Variants in AFAP1L1 observed in about 807,000 individuals in gnomAD.
AFAP1L1 encodes actin filament associated protein 1 like 1.
AFAP1L1 carries 77 observed loss-of-function variants against 99.8 expected under a neutral mutation model. The ratio of observed to expected loss-of-function variants is 0.77; its 90% CI spans 0.64 to 0.93. AFAP1L1 has a LOEUF of 0.93. Ranked by LOEUF, AFAP1L1 falls within the 40% of genes least tolerant of loss-of-function variation. AFAP1L1 has a pLI of 0.00. For synonymous variants in AFAP1L1, 373 were observed against 395.3 expected (o/e 0.94, Z 0.67); for missense variants, 893 against 996.8 (o/e 0.90, Z 1.40).
intron 17 of AFAP1L1, among the ~76,000 whole-genome samples, chr5:149,335,074 T>C (rs1757365383): frequency 6.6e-6 from 1 of 152,268 alleles, no homozygotes; most frequent in Admixed American, 6.5e-5. Context: ...ATTCACACAA[T>C]GCTTTGTACG....
chr5:149,292,855 T>G (rs1328402766), intron 1 of AFAP1L1, among the ~76,000 whole-genome samples: 2 of 152,118 alleles, frequency 1.3e-5, no homozygotes, highest in African/African-American at 4.8e-5. Context: ...GGGAACAAAG[T>G]TTTTCCTGAC....
Position 149,320,258 on chromosome 5 carries a change from A to G in AFAP1L1, c.1626-133A>G, listed in dbSNP as rs1581332287. 9 of 811,344 alleles carry G rather than the reference A, an allele frequency of 1.1e-5. No homozygotes were observed. The highest frequency in any genetic ancestry group is 1.1e-4 in the East Asian group (4 of 37,496). The allele number at this position is 811,344 out of a possible 1,614,324, so 50.3% of individuals were successfully genotyped here. On this transcript the variant is annotated intron_variant, in intron 13 of 18. Transcript: ENST00000296721. The surrounding 1 kb of genome is among the most constrained non-coding windows in gnomAD (Gnocchi z 4.0). Reference sequence around the variant, plus strand: ...AGCCCATGACACAATGCTGCCTGCCATCTTGCTTTTACCAATCTTCTGATC... The same window carrying G: ...AGCCCATGACACAATGCTGCCTGCCGTCTTGCTTTTACCAATCTTCTGATC...
chr5:149,288,331 C>T (rs1755746422), intron 1 of AFAP1L1, among the ~76,000 whole-genome samples: 1 of 152,220 alleles, frequency 6.6e-6, no homozygotes, highest in African/African-American at 2.4e-5. Context: ...CCTCTCTGAG[C>T]CTCACTTGGC....
At position 149,320,223 on chromosome 5, in the gene AFAP1L1, G is replaced by A. The variant is rs973416039; in HGVS notation, c.1626-168G>A. ...GAATCACATTGGTCCTGTCTGTGAC[G>A]CCCTAACACAGCCCATGACACAATG... On this transcript the variant is annotated intron_variant, in intron 13 of 18. Transcript: ENST00000296721. The surrounding 1 kb of genome is among the most constrained non-coding windows in gnomAD (Gnocchi z 4.0). 3.3e-5 allele frequency among the ~76,000 whole-genome samples: 5 copies of A among 152,176 alleles called. No homozygotes were observed. Among genetic ancestry groups the A allele is most frequent in the East Asian group, 3.9e-4 (2 of 5,188 alleles).
intron 5 of AFAP1L1, among the ~76,000 whole-genome samples, chr5:149,304,957 T>A (rs1389002225): frequency 4.8e-4 from 1 of 2,072 alleles, no homozygotes; most frequent in Non-Finnish European, 3.1e-3. Context: ...AAGGAAGGCT[T>A]CCTGGAGGGG....
At chr5:149,286,927 A>C (rs1446140314) in intron 1 of AFAP1L1, among the ~76,000 whole-genome samples, 1 of 152,224 alleles carries the variant, frequency 6.6e-6, no homozygotes, top group Non-Finnish European at 1.5e-5. Flanking sequence ...ACCAAAACAC[A>C]GCGCACTGTG....
At chr5:149,306,426 A>C in intron 6 of AFAP1L1, 22 bp downstream of exon 6, 5 of 1,593,258 alleles carry the variant, frequency 3.1e-6, no homozygotes, top group Non-Finnish European at 4.3e-6. Context: ...GTGGGCGTCC[A>C]GATGCTGGGC....
intron 9 of AFAP1L1, among the ~76,000 whole-genome samples, chr5:149,314,961 C>T (rs908987722): frequency 2.8e-4 from 43 of 152,212 alleles, no homozygotes; most frequent in African/African-American, 9.9e-4. Context: ...TTCACTTGAG[C>T]TGGCTCCGTC....
At chr5:149,329,525 C>T (rs760980453) in intron 15 of AFAP1L1, 141 bp from the exon 16 acceptor site, 131 of 874,388 alleles carry the variant, frequency 1.5e-4, no homozygotes, top group Non-Finnish European at 2.1e-4. Flanking sequence ...AGGATTCACA[C>T]TAAATATATC....
chr5:149,272,276 C>T (rs1054245633), intron 1 of AFAP1L1, among the ~76,000 whole-genome samples: 1 of 152,208 alleles, frequency 6.6e-6, no homozygotes, highest in African/African-American at 2.4e-5. Context: ...CTCTAGTTTC[C>T]GGAGGACAGC....
chr5:149,322,750 G>A, intron 15 of AFAP1L1, 33 bp downstream of exon 15: 1 of 1,536,720 alleles, frequency 6.5e-7, no homozygotes. Flanking sequence ...CTGCTGACTA[G>A]GGAGGAAGGA....
chr5:149,277,334 A>C (rs1755367557), intron 1 of AFAP1L1, among the ~76,000 whole-genome samples: 1 of 152,230 alleles, frequency 6.6e-6, no homozygotes, highest in South Asian at 2.1e-4. Context: ...TTCATTGCTC[A>C]ACAGATGATC....
intron 8 of AFAP1L1, among the ~76,000 whole-genome samples, chr5:149,310,588 A>G (rs1287279246): frequency 6.6e-6 from 1 of 152,226 alleles, no homozygotes; most frequent in East Asian, 1.9e-4. Context: ...GAGTCACCAC[A>G]AAATGAGCAC....
intron 15 of AFAP1L1, among the ~76,000 whole-genome samples, chr5:149,325,864 G>T (rs1453078654): frequency 6.6e-6 from 1 of 152,132 alleles, no homozygotes; most frequent in Non-Finnish European, 1.5e-5. Context: ...TCTTTTAATG[G>T]CATTAATCCC....
At chr5:149,325,940 C>A (rs1328364873) in intron 15 of AFAP1L1, among the ~76,000 whole-genome samples, 2 of 152,162 alleles carry the variant, frequency 1.3e-5, no homozygotes, top group Non-Finnish European at 2.9e-5. Context: ...CATACTGTTA[C>A]AATTGCAGTT....
rs745346002 is a variant in AFAP1L1 at position 149,312,203 on chromosome 5, AG to A, written c.1020+1del. 2 of 1,614,090 alleles carry A rather than the reference AG, an allele frequency of 1.2e-6. No homozygotes were observed. The highest frequency in any genetic ancestry group is 1.7e-6 in the Non-Finnish European group (2 of 1,179,956). ...CTCCTGTGCAAGTTGGACCTGGACA[AG>A]GTATATCTGTCTCCACTAAGTCTTC... The part of the protein sequence containing the change: ...PVLLCKLDLD[K>X]RLSQEKQTSD... On this transcript the variant is annotated frameshift_variant and splice_region_variant, in exon 9 of 19. Transcript: ENST00000296721. LOFTEE classifies it high-confidence loss of function.
At chr5:149,285,451 T>A (rs184803161) in intron 1 of AFAP1L1, among the ~76,000 whole-genome samples, 1 of 152,332 alleles carries the variant, frequency 6.6e-6, no homozygotes, top group Non-Finnish European at 1.5e-5. Flanking sequence ...GTAAGCACTG[T>A]TATTATCTCT....
rs1192713564 is a variant in AFAP1L1 at position 149,272,056 on chromosome 5, G to A, written c.16+72G>A. The A allele has an allele frequency of 3.3e-6, 4 of 1,225,018 alleles. No individual in the cohort carries two copies. The African/African-American group carries it at 6.2e-5, about 19-fold the overall frequency. The allele number at this position is 1,225,018 out of a possible 1,614,324, so 75.9% of individuals were successfully genotyped here. On this transcript the variant is annotated intron_variant, in intron 1 of 18. Transcript: ENST00000296721. ...AAGGGAGACTGGACGATCTGAAGCC[G>A]GAGAGGAGGAGGGAGAGAGGCGGGC...
chr5:149,326,859 G>T (rs767589307), intron 15 of AFAP1L1, among the ~76,000 whole-genome samples: 10 of 152,178 alleles, frequency 6.6e-5, no homozygotes, highest in African/African-American at 9.7e-5. Context: ...CACATGCCAA[G>T]GCTATGGCCT....
Sources: gnomAD v4.1 joint callset for allele counts (sites outside exome capture counted in the v4.1 genomes callset) on GRCh38, gnomAD v4.1.1 for gene constraint, Gnocchi (gnomAD v3.1) non-coding constraint, MANE v1.5 for transcripts, NCBI Gene and HGNC (gene_info 2026-07-23, HGNC 2026-07-21) for gene names.